Variants in EPHA6 observed in about 807,000 individuals in gnomAD.
The protein encoded by EPHA6 is EPH receptor A6.
A neutral mutation model predicts 112.0 loss-of-function variants in EPHA6; 50 were observed. The observed-to-expected ratio is 0.45, with a 90% CI of 0.36 to 0.56. The LOEUF is 0.56. EPHA6 is among the 20% of genes least tolerant of loss of function. The probability of loss-of-function intolerance (pLI) is 0.00; values close to 1 mark genes in which losing one functional copy is unlikely to be tolerated. For missense variants in EPHA6, 1,280 were observed against 1,417.4 expected (o/e 0.90, Z 1.56); for synonymous variants, 529 against 490.7 (o/e 1.08, Z -1.03).
At chr3:97,330,921 A>C (rs1028271835) in intron 5 of EPHA6, among the ~76,000 whole-genome samples, 56 of 152,230 alleles carry the variant, frequency 3.7e-4, no homozygotes, top group African/African-American at 1.3e-3. Flanking sequence ...AGAACTCTCC[A>C]CCCCAAATCA....
intron 2 of EPHA6, among the ~76,000 whole-genome samples, chr3:96,900,618 A>G (rs1468625866): frequency 1.3e-5 from 2 of 152,234 alleles, no homozygotes; most frequent in Non-Finnish European, 2.9e-5. Context: ...GACAGCAAGC[A>G]TGGAAAGAGA....
At chr3:97,409,734 A>T (rs552622066) in intron 6 of EPHA6, among the ~76,000 whole-genome samples, 4 of 152,222 alleles carry the variant, frequency 2.6e-5, no homozygotes, top group African/African-American at 9.6e-5. Context: ...ACAGTTCATT[A>T]TTCTCACATC....
intron 14 of EPHA6, among the ~76,000 whole-genome samples, chr3:97,718,654 C>T (rs901982402): frequency 1.3e-5 from 2 of 152,044 alleles, no homozygotes; most frequent in African/African-American, 4.8e-5. Flanking sequence ...CAACTCCCTG[C>T]CCCCCAACAC....
intron 3 of EPHA6, among the ~76,000 whole-genome samples, chr3:97,114,839 A>G (rs940915427): frequency 6.6e-6 from 1 of 152,086 alleles, no homozygotes; most frequent in East Asian, 1.9e-4. Flanking sequence ...AATGATAATT[A>G]TATGTAAGCT....
At chr3:97,527,168 C>T (rs1182149534) in intron 10 of EPHA6, among the ~76,000 whole-genome samples, 1 of 152,136 alleles carries the variant, frequency 6.6e-6, no homozygotes, top group Admixed American at 6.6e-5. Context: ...TGATTCCTCC[C>T]AGCCCTTTGG....
chr3:96,945,698 TG>T (rs557730725), intron 2 of EPHA6, among the ~76,000 whole-genome samples: 63 of 152,066 alleles, frequency 4.1e-4, no homozygotes, highest in Admixed American at 3.2e-3. Context: ...AATTAAATGA[TG>T]AAAAAAATAT....
intron 1 of EPHA6, among the ~76,000 whole-genome samples, chr3:96,852,041 G>A (rs186209305): frequency 3.9e-5 from 6 of 152,236 alleles, no homozygotes; most frequent in Admixed American, 3.9e-4. Flanking sequence ...TTGACCAGAT[G>A]TTTTAGCTCA....
At chr3:97,210,343 A>G (rs1392713936) in intron 3 of EPHA6, among the ~76,000 whole-genome samples, 1 of 152,122 alleles carries the variant, frequency 6.6e-6, no homozygotes, top group Non-Finnish European at 1.5e-5. Context: ...TGAAGTGAAG[A>G]CGGAAGAGCC....
chr3:97,638,139 C>A, intron 14 of EPHA6, 57 bp downstream of exon 14: 2 of 1,270,578 alleles, frequency 1.6e-6, no homozygotes, highest in South Asian at 1.4e-5. Context: ...TTTTTAATGT[C>A]ATTAGAGTAA....
chr3:97,746,105 T>C (rs2035704703), intron 16 of EPHA6, among the ~76,000 whole-genome samples: 1 of 151,906 alleles, frequency 6.6e-6, no homozygotes, highest in South Asian at 2.1e-4. Context: ...GCTCTAATTG[T>C]CTTTGTAGAT....
intron 11 of EPHA6, among the ~76,000 whole-genome samples, chr3:97,543,671 T>C (rs1400263979): frequency 6.6e-6 from 1 of 152,108 alleles, no homozygotes; most frequent in Non-Finnish European, 1.5e-5. Context: ...ATTGAATCTA[T>C]AAATTACCTT....
intron 14 of EPHA6, chr3:97,648,343 G>C: frequency 6.2e-7 from 1 of 1,601,950 alleles, no homozygotes; most frequent in Non-Finnish European, 8.5e-7. Context: ...TCTGAGAAAA[G>C]CCAAATTTTC....
chr3:97,629,342 G>C (rs1293721845), intron 13 of EPHA6, among the ~76,000 whole-genome samples: 1 of 151,952 alleles, frequency 6.6e-6, no homozygotes, highest in Non-Finnish European at 1.5e-5. Flanking sequence ...ACCTGTGTCA[G>C]CTTAATGCTA....
intron 3 of EPHA6, among the ~76,000 whole-genome samples, chr3:97,165,108 G>A (rs2076508821): frequency 6.6e-6 from 1 of 152,004 alleles, no homozygotes; most frequent in African/African-American, 2.4e-5. Flanking sequence ...GAGAAAAACT[G>A]GTCACTTTAT....
intron 6 of EPHA6, 22 bp downstream of exon 6, chr3:97,405,296 CTATAAAACTACATATATATGCATA>C: frequency 6.3e-7 from 1 of 1,597,360 alleles, no homozygotes; most frequent in South Asian, 1.1e-5. Flanking sequence ...TTGGAGCTTC[CTATAAAACTACATATATATGCATA>C]TATATGTATA....
intron 3 of EPHA6, among the ~76,000 whole-genome samples, chr3:97,180,886 C>T (rs373078382): frequency 1.9e-3 from 288 of 152,066 alleles, no homozygotes; most frequent in African/African-American, 5.3e-3. Context: ...TTAGGAGCCC[C>T]GCCCCCCAAC....
At chr3:96,884,017 C>G (rs2037479768) in intron 2 of EPHA6, among the ~76,000 whole-genome samples, 1 of 151,982 alleles carries the variant, frequency 6.6e-6, no homozygotes, top group African/African-American at 2.4e-5. Context: ...TTTCGAAGAT[C>G]AGTTGGCTTT....
intron 14 of EPHA6, among the ~76,000 whole-genome samples, chr3:97,685,838 C>A (rs923904337): frequency 6.6e-6 from 1 of 152,086 alleles, no homozygotes; most frequent in Admixed American, 6.6e-5. Flanking sequence ...ATGGAGAAAA[C>A]CAAGTAACTA....
chr3:97,595,594 G>A (rs1050724115), intron 12 of EPHA6, among the ~76,000 whole-genome samples: 14 of 151,906 alleles, frequency 9.2e-5, no homozygotes, highest in Admixed American at 4.6e-4. Context: ...GCAGTGAGCC[G>A]AGATGGTGCC....
Sources: gnomAD v4.1 joint callset for allele counts (sites outside exome capture counted in the v4.1 genomes callset) on GRCh38, gnomAD v4.1.1 for gene constraint, MANE v1.5 for transcripts, NCBI Gene and HGNC (gene_info 2026-07-23, HGNC 2026-07-21) for gene names.